TSNAX: variants seen among roughly 807,000 people sequenced by gnomAD.
The protein encoded by TSNAX is translin-associated protein X.
In TSNAX, 12 loss-of-function variants were observed where a neutral mutation model predicts 33.0. The ratio of observed to expected loss-of-function variants is 0.36; its 90% confidence interval spans 0.23 to 0.59. TSNAX has a LOEUF of 0.59. Ranked by LOEUF, TSNAX falls within the 20% of genes least tolerant of loss-of-function variation. The probability of loss-of-function intolerance (pLI) is 0.74; values close to 1 mark genes in which losing one functional copy is unlikely to be tolerated. For missense variants in TSNAX, 267 were observed against 341.3 expected (o/e 0.78, Z 1.72); for synonymous variants, 110 against 117.2 (o/e 0.94, Z 0.40).
rs574653380 is a variant in TSNAX, at chr1:231,557,295, T to C, written c.368-3833T>C. On this transcript the variant is annotated intron_variant, in intron 4 of 5. Coordinates refer to ENST00000366639, the MANE Select transcript of TSNAX (RefSeq NM_005999.3). ...ATAGAGGCAGAGACTTAAGAAGACA[T>C]GACTAGAGAGGTGGAAAAGTGGGAA... Among the ~76,000 whole-genome samples, 4 of 152,124 alleles carry C rather than the reference T, an allele frequency of 2.6e-5. No individual in the cohort carries two copies. The East Asian group carries it at 7.7e-4, about 29-fold the overall frequency.
rs765575554 is a variant in TSNAX at position 231,564,806 on chromosome 1, T to C, written c.774T>C (p.Tyr258=). 6.2e-7 allele frequency: 1 copy of C among 1,614,092 alleles called. No homozygotes were observed. The highest frequency in any genetic ancestry group is 1.3e-5 in the African/African-American group (1 of 74,920). ...TGGCCAAAGTGGAGAATGCTTGTTA[T>C]GCCTTGAAAGTCAGAGGGTCAGAAA... ...QSLAKVENAC[Y]ALKVRGSEIP... The change falls in exon 6 of 6, where the codon TAT becomes TAC. Residue 258 remains tyrosine (Y), a synonymous_variant. Transcript: ENST00000366639.
At chr1:231,534,740 CTCT>C (rs1294144546) in intron 2 of TSNAX, 1 of 152,168 alleles carries the variant, frequency 6.6e-6, no homozygotes, top group Non-Finnish European at 1.5e-5. Context: ...ACAACAGATG[CTCT>C]TATCCAGTAT....
chr1:231,529,208 A>C, intron 1 of TSNAX, 47 bp from the exon 2 acceptor site: 1 of 1,593,424 alleles, frequency 6.3e-7, no homozygotes, highest in South Asian at 1.1e-5. Context: ...TGTTTTGCAA[A>C]CTCTTGGTGA....
intron 3 of TSNAX, among the ~76,000 whole-genome samples, chr1:231,542,100 A>T (rs1361212374): frequency 6.6e-6 from 1 of 152,166 alleles, no homozygotes; most frequent in Non-Finnish European, 1.5e-5. Flanking sequence ...CCCAGGGATC[A>T]CTGCTCCATG....
intron 5 of TSNAX, among the ~76,000 whole-genome samples, chr1:231,561,589 CATT>C (rs1558138994): frequency 6.6e-6 from 1 of 152,130 alleles, no homozygotes; most frequent in Non-Finnish European, 1.5e-5. Flanking sequence ...ATGTGGTAAG[CATT>C]ATTACTCTCA....
At chr1:231,564,396 T>C in intron 5 of TSNAX, 132 bp from the exon 6 acceptor site, 1 of 1,459,628 alleles carries the variant, frequency 6.9e-7, no homozygotes, top group Non-Finnish European at 9.0e-7. Context: ...TAGAAAAAAT[T>C]AGTATGACTG....
chr1:231,541,298 A>T (rs1659557393), intron 3 of TSNAX, among the ~76,000 whole-genome samples: 1 of 152,160 alleles, frequency 6.6e-6, no homozygotes, highest in Admixed American at 6.5e-5. Context: ...TACTGTGTTT[A>T]CTAAAATTTG....
chr1:231,561,071 T>C, intron 4 of TSNAX, 57 bp from the exon 5 acceptor site: 1 of 1,552,752 alleles, frequency 6.4e-7, no homozygotes. Context: ...TTTTTTATTA[T>C]GACATTCTTA....
intron 4 of TSNAX, chr1:231,554,553 TAGTGAG>T: frequency 6.6e-6 from 1 of 152,330 alleles, no homozygotes; most frequent in African/African-American, 2.4e-5. Context: ...AAGTTTTATA[TAGTGAG>T]AATGAAGAGA....
chr1:231,537,132 A>G, intron 2 of TSNAX, 81 bp from the exon 3 acceptor site: 5 of 1,084,462 alleles, frequency 4.6e-6, no homozygotes, highest in Non-Finnish European at 6.8e-6. Context: ...CACCCAGCAT[A>G]TGTGACGTAC....
At position 231,544,624 on chromosome 1, in the gene TSNAX, G is replaced by A. The variant is rs150592494; in HGVS notation, c.367+2013G>A. 2.5e-3 allele frequency among the ~76,000 whole-genome samples: 387 copies of A among 152,324 alleles called. 3 individuals carry two copies. The highest frequency in any genetic ancestry group is 8.6e-3 in the African/African-American group (358 of 41,564). On this transcript the variant is annotated intron_variant, in intron 4 of 5. Coordinates refer to ENST00000366639, the MANE Select transcript of TSNAX (RefSeq NM_005999.3). ...ACATATGGGACATTTCAGATTTGCT[G>A]TATTTGGCCCAGTAGTTCTATTTTG...
chr1:231,558,988 A>G (rs1457259547), intron 4 of TSNAX, among the ~76,000 whole-genome samples: 3 of 152,072 alleles, frequency 2.0e-5, no homozygotes, highest in African/African-American at 4.8e-5. Context: ...TTTCCCTTGT[A>G]TCCTGGACCT....
chr1:231,546,597 TAATG>T (rs1240457442), intron 4 of TSNAX, among the ~76,000 whole-genome samples: 1 of 152,288 alleles, frequency 6.6e-6, no homozygotes, highest in South Asian at 2.1e-4. Context: ...ATTTATCTGT[TAATG>T]AGTGAGATTA....
intron 2 of TSNAX, among the ~76,000 whole-genome samples, chr1:231,530,887 C>CA (rs888081126): frequency 1.8e-4 from 27 of 149,578 alleles, no homozygotes; most frequent in African/African-American, 2.7e-4. Flanking sequence ...GACTCCATCT[C>CA]AAAAAAAAGA....
At chr1:231,564,504 T>C in intron 5 of TSNAX, 24 bp from the exon 6 acceptor site, 6 of 1,369,754 alleles carry the variant, frequency 4.4e-6, no homozygotes, top group African/African-American at 1.4e-5. Context: ...TGTGTGTTTT[T>C]GTTTTGTTTT....
intron 2 of TSNAX, among the ~76,000 whole-genome samples, chr1:231,533,153 G>A (rs1572099417): frequency 7.0e-6 from 1 of 142,196 alleles, no homozygotes; most frequent in Admixed American, 6.9e-5. Flanking sequence ...TGCAACCTCC[G>A]CCTCCCAGGT....
intron 4 of TSNAX, chr1:231,554,552 A>G (rs1006018333): frequency 6.6e-6 from 1 of 152,248 alleles, no homozygotes; most frequent in Non-Finnish European, 1.5e-5. Context: ...CAAGTTTTAT[A>G]TAGTGAGAAT....
chr1:231,534,031 T>C (rs559852351), intron 2 of TSNAX: 2 of 152,232 alleles, frequency 1.3e-5, no homozygotes, highest in Non-Finnish European at 2.9e-5. Context: ...TACATTGTAA[T>C]GTCTCTTTTT....
chr1:231,558,536 G>C (rs200509604), intron 4 of TSNAX, among the ~76,000 whole-genome samples: 1 of 152,114 alleles, frequency 6.6e-6, no homozygotes, highest in African/African-American at 2.4e-5. Context: ...TTTTTTTGCT[G>C]TAGTGACAAA....
Sources: gnomAD v4.1 joint callset for allele counts (sites outside exome capture counted in the v4.1 genomes callset) on GRCh38, gnomAD v4.1.1 for gene constraint, MANE v1.5 for transcripts, NCBI Gene and HGNC (gene_info 2026-07-23, HGNC 2026-07-21) for gene names.